Variants in PPME1 observed in about 807,000 individuals in gnomAD.
PPME1 encodes protein phosphatase methylesterase 1, also known as testicular secretory protein Li 39.
PPME1 carries 17 observed loss-of-function variants against 56.9 expected under a neutral mutation model. The ratio of observed to expected loss-of-function variants is 0.30; its 90% CI spans 0.20 to 0.45. PPME1 has a LOEUF of 0.45. Among genes scored for constraint, PPME1 ranks in the 20% least tolerant of loss-of-function variants. The probability of loss-of-function intolerance (pLI) is 1.00; values close to 1 mark genes in which losing one functional copy is unlikely to be tolerated. For synonymous variants in PPME1, 122 were observed against 156.2 expected (o/e 0.78, Z 1.63); for missense variants, 357 against 483.2 (o/e 0.74, Z 2.45).
At chr11:74,194,181 T>C (rs1857918715) in intron 1 of PPME1, among the ~76,000 whole-genome samples, 1 of 152,122 alleles carries the variant, frequency 6.6e-6, no homozygotes, top group Admixed American at 6.6e-5. Flanking sequence ...AAGACAGGCC[T>C]TTTTTTATTT....
At chr11:74,251,502 C>T in intron 12 of PPME1, 146 bp from the exon 13 acceptor site, 1 of 1,457,380 alleles carries the variant, frequency 6.9e-7, no homozygotes. Flanking sequence ...CTAGGGAGGG[C>T]CTAGGTCCTT....
rs183833682 is a variant in PPME1, at chr11:74,251,874, A to G, written c.1142+159A>G. ...TGAAGAGCCTGGCATGTCTGTTTCT[A>G]CAAAGCCATGGTTGGTTGTTTCTTT... On this transcript the variant is annotated intron_variant, in intron 13 of 13. Coordinates refer to ENST00000328257, the MANE Select transcript of PPME1 (RefSeq NM_016147.3). The G allele has an allele frequency of 9.4e-4, 894 of 946,426 alleles. 11 individuals are homozygous for G. The highest frequency in any genetic ancestry group is 8.2e-3 in the South Asian group (633 of 77,450). The allele number at this position is 946,426 out of a possible 1,614,324, so 58.6% of individuals were successfully genotyped here. A position where few individuals can be genotyped will look rare whatever the true frequency, so the allele number is the denominator to read the frequency against.
chr11:74,251,174 G>T, intron 12 of PPME1, 156 bp downstream of exon 12: 1 of 1,465,004 alleles, frequency 6.8e-7, no homozygotes, highest in Non-Finnish European at 9.0e-7. Flanking sequence ...CTTCTCCCTG[G>T]CAGCTGCTTA....
At chr11:74,251,872 C>G in intron 13 of PPME1, 157 bp downstream of exon 13, 1 of 956,012 alleles carries the variant, frequency 1.0e-6, no homozygotes, top group Non-Finnish European at 1.7e-6. Flanking sequence ...ATGTCTGTTT[C>G]TACAAAGCCA....
chr11:74,252,531 G>T, intron 13 of PPME1: 1 of 455,620 alleles, frequency 2.2e-6, no homozygotes, highest in South Asian at 1.6e-5. Context: ...TAGCCACTCT[G>T]CAGGGGTGAT....
At chr11:74,222,931 CTTTTT>C (rs1303067781) in intron 4 of PPME1, among the ~76,000 whole-genome samples, 2 of 140,646 alleles carry the variant, frequency 1.4e-5, no homozygotes, top group African/African-American at 5.6e-5. Context: ...AAGTCAAATT[CTTTTT>C]TTTTTTAATT....
chr11:74,237,275 C>CTGTTTTTTT (rs1859215072), intron 8 of PPME1, among the ~76,000 whole-genome samples: 1 of 128,032 alleles, frequency 7.8e-6, no homozygotes, highest in African/African-American at 3.2e-5. Context: ...GTCTGGTTGT[C>CTGTTTTTTT]TTTTTTTTTT....
intron 3 of PPME1, among the ~76,000 whole-genome samples, chr11:74,209,441 C>T (rs944907030): frequency 1.3e-5 from 2 of 152,168 alleles, no homozygotes; most frequent in African/African-American, 2.4e-5. Flanking sequence ...ACCCCACGCA[C>T]ATCCACATTA....
At chr11:74,184,989 CTTTTTTT>C (rs559947122) in intron 1 of PPME1, among the ~76,000 whole-genome samples, 2 of 95,716 alleles carry the variant, frequency 2.1e-5, no homozygotes, top group Admixed American at 1.2e-4. Flanking sequence ...TGAAGTATGT[CTTTTTTT>C]TTTTTTTTTT....
intron 3 of PPME1, among the ~76,000 whole-genome samples, chr11:74,219,384 C>G (rs1003222053): frequency 4.0e-5 from 6 of 151,772 alleles, no homozygotes; most frequent in African/African-American, 1.4e-4. Context: ...TGCAGCAATC[C>G]CGCTACTATG....
At chr11:74,252,081 C>G (rs1009397945) in intron 13 of PPME1, among the ~76,000 whole-genome samples, 4 of 148,816 alleles carry the variant, frequency 2.7e-5, no homozygotes, top group Non-Finnish European at 5.9e-5. Context: ...CCAAGGAAAG[C>G]TGGGCAGGCC....
intron 1 of PPME1, among the ~76,000 whole-genome samples, chr11:74,182,501 A>C (rs1271399760): frequency 6.6e-6 from 1 of 151,944 alleles, no homozygotes; most frequent in Non-Finnish European, 1.5e-5. Flanking sequence ...CTGGGTTTAC[A>C]GGTGTGTGCC....
At chr11:74,241,741 C>T (rs1859366302) in intron 9 of PPME1, among the ~76,000 whole-genome samples, 1 of 152,116 alleles carries the variant, frequency 6.6e-6, no homozygotes. Context: ...CTAATGACTG[C>T]TGATATTGAG....
rs147826618 is a variant in PPME1, at chr11:74,175,188, C to T, written c.101+3666C>T. Among the ~76,000 whole-genome samples the T allele has an allele frequency of 1.8e-4, 28 of 152,280 alleles. No homozygotes were observed. The South Asian group carries it at 4.6e-3, about 25-fold the overall frequency. ...AATATTAAAGCCATTCATTATTCAACGTGTTTTTGGTTTATCAGTAGTTGT... is the reference window on the plus strand; with the variant it reads ...AATATTAAAGCCATTCATTATTCAATGTGTTTTTGGTTTATCAGTAGTTGT... On this transcript the variant is annotated intron_variant, in intron 1 of 13. Coordinates refer to ENST00000328257, the MANE Select transcript of PPME1 (RefSeq NM_016147.3).
At chr11:74,233,686 G>A (rs1225309934) in intron 7 of PPME1, among the ~76,000 whole-genome samples, 1 of 152,096 alleles carries the variant, frequency 6.6e-6, no homozygotes, top group Admixed American at 6.5e-5. Context: ...GCTGGGTGTG[G>A]TAGCATGTGC....
At chr11:74,173,944 G>A (rs1424554275) in intron 1 of PPME1, among the ~76,000 whole-genome samples, 1 of 152,214 alleles carries the variant, frequency 6.6e-6, no homozygotes, top group Non-Finnish European at 1.5e-5. Context: ...TGATAGTATT[G>A]TGAAGAGAAG....
chr11:74,193,540 T>C (rs372938194), intron 1 of PPME1, among the ~76,000 whole-genome samples: 2 of 152,240 alleles, frequency 1.3e-5, no homozygotes, highest in Admixed American at 6.5e-5. Flanking sequence ...TGAGGGATAC[T>C]CAACCTGTAC....
At chr11:74,190,212 ATGTT>A (rs368631347) in intron 1 of PPME1, among the ~76,000 whole-genome samples, 6 of 152,204 alleles carry the variant, frequency 3.9e-5, no homozygotes, top group African/African-American at 1.4e-4. Flanking sequence ...TAGGGTTAGA[ATGTT>A]TGTCCCCTCC....
chr11:74,231,572 T>G (rs970984033), intron 7 of PPME1, among the ~76,000 whole-genome samples: 4 of 152,242 alleles, frequency 2.6e-5, no homozygotes, highest in Non-Finnish European at 4.4e-5. Flanking sequence ...TAGATTTGGC[T>G]CAGTTGTCTG....
Sources: allele counts gnomAD v4.1 joint callset (sites outside exome capture counted in the v4.1 genomes callset), GRCh38; gene constraint gnomAD v4.1.1; transcripts MANE v1.5; gene names NCBI Gene and HGNC (gene_info 2026-07-23, HGNC 2026-07-21).